PSMB7: variants seen among roughly 807,000 people sequenced by gnomAD.
PSMB7 encodes proteasome 20S subunit beta 7, also known as proteasome subunit beta type-7.
A neutral mutation model predicts 28.1 loss-of-function variants in PSMB7; 5 were observed. The ratio of observed to expected loss-of-function variants is 0.18; its 90% CI spans 0.09 to 0.37. The LOEUF is 0.37. Ranked by LOEUF, PSMB7 falls within the 10% of genes least tolerant of loss-of-function variation. PSMB7 has a pLI of 1.00. For synonymous variants in PSMB7, 122 were observed against 123.7 expected (o/e 0.99, Z 0.09); for missense variants, 275 against 346.2 (o/e 0.79, Z 1.63).
chr9:124,370,328 T>C (rs1050406184), intron 6 of PSMB7, among the ~76,000 whole-genome samples: 6 of 150,988 alleles, frequency 4.0e-5, no homozygotes, highest in African/African-American at 1.5e-4. Flanking sequence ...TTACTTCAGC[T>C]AGCAAAACCT....
chr9:124,384,803 AC>A, intron 5 of PSMB7, 147 bp from the exon 6 acceptor site: 1 of 661,996 alleles, frequency 1.5e-6, no homozygotes, highest in Non-Finnish European at 2.5e-6. Flanking sequence ...GGCCACATAA[AC>A]CAGGTAAAAA....
Position 124,353,550 on chromosome 9 carries a change from A to G in PSMB7, c.*48T>C. 2 of 1,347,902 alleles carry G rather than the reference A, an allele frequency of 1.5e-6. No individual in the cohort carries two copies. The highest frequency in any genetic ancestry group is 2.1e-6 in the Non-Finnish European group (2 of 939,574). The allele number at this position is 1,347,902 out of a possible 1,614,324, so 83.5% of individuals were successfully genotyped here. A position where few individuals can be genotyped will look rare whatever the true frequency, so the allele number is the denominator to read the frequency against. ...CCACATGAGTGTCTTACTGGGCCTCAATGCTCACCACCTTCCAGAACCGCG... is the reference window on the plus strand; with the variant it reads ...CCACATGAGTGTCTTACTGGGCCTCGATGCTCACCACCTTCCAGAACCGCG... On this transcript the variant is annotated 3_prime_UTR_variant, in exon 8 of 8. Coordinates refer to ENST00000259457, the MANE Select transcript of PSMB7 (RefSeq NM_002799.4).
intron 6 of PSMB7, among the ~76,000 whole-genome samples, chr9:124,365,465 G>A (rs1447150028): frequency 6.6e-6 from 1 of 152,214 alleles, no homozygotes; most frequent in Non-Finnish European, 1.5e-5. Flanking sequence ...CAGTGTGGCT[G>A]ATTGCCAGAG....
intron 5 of PSMB7, among the ~76,000 whole-genome samples, chr9:124,393,259 T>C (rs1830808564): frequency 6.6e-6 from 1 of 152,214 alleles, no homozygotes; most frequent in Admixed American, 6.5e-5. Context: ...GGTTTAATTG[T>C]ATGCATGCAT....
intron 7 of PSMB7, among the ~76,000 whole-genome samples, chr9:124,355,907 T>A (rs1316666775): frequency 6.6e-6 from 1 of 152,172 alleles, no homozygotes; most frequent in African/African-American, 2.4e-5. Context: ...TTACTCCTGA[T>A]GTGGAGTTGT....
At chr9:124,355,863 G>A (rs1178320750) in intron 7 of PSMB7, among the ~76,000 whole-genome samples, 2 of 152,204 alleles carry the variant, frequency 1.3e-5, no homozygotes, top group African/African-American at 4.8e-5. Context: ...GTGAATACCT[G>A]CTGGTTCTGA....
At chr9:124,396,439 G>A (rs1286790032) in intron 5 of PSMB7, among the ~76,000 whole-genome samples, 3 of 152,176 alleles carry the variant, frequency 2.0e-5, no homozygotes, top group Non-Finnish European at 4.4e-5. Flanking sequence ...CCCACAAGGT[G>A]AGACATCCAG....
At chr9:124,415,044 G>A (rs999006421) in intron 1 of PSMB7, 109 bp from the exon 2 acceptor site, 2 of 723,896 alleles carry the variant, frequency 2.8e-6, no homozygotes, top group South Asian at 1.8e-5. Context: ...TTGTTTTCAC[G>A]CCCATCTGTT....
At chr9:124,354,541 C>T (rs1473924901) in intron 7 of PSMB7, among the ~76,000 whole-genome samples, 1 of 152,202 alleles carries the variant, frequency 6.6e-6, no homozygotes, top group Non-Finnish European at 1.5e-5. Flanking sequence ...ATCCTCTCCC[C>T]TGGACACACG....
chr9:124,383,315 T>A (rs1164393834), intron 6 of PSMB7, among the ~76,000 whole-genome samples: 1 of 152,230 alleles, frequency 6.6e-6, no homozygotes, highest in Non-Finnish European at 1.5e-5. Context: ...ATTATCATTT[T>A]TAGTGTAAAA....
chr9:124,392,563 C>T (rs1309123406), intron 5 of PSMB7, among the ~76,000 whole-genome samples: 1 of 152,150 alleles, frequency 6.6e-6, no homozygotes, highest in Non-Finnish European at 1.5e-5. Context: ...CAAGATGGCA[C>T]GTGTAAAGCA....
intron 6 of PSMB7, among the ~76,000 whole-genome samples, chr9:124,366,239 C>T (rs1282540963): frequency 6.6e-6 from 1 of 152,148 alleles, no homozygotes; most frequent in Non-Finnish European, 1.5e-5. Flanking sequence ...ATGGTGAAAC[C>T]CCATCTCTAC....
At chr9:124,370,265 T>A (rs1357232682) in intron 6 of PSMB7, among the ~76,000 whole-genome samples, 1 of 150,758 alleles carries the variant, frequency 6.6e-6, no homozygotes, top group South Asian at 2.1e-4. Context: ...GCAGAAGGTA[T>A]CCAGGGTATA....
intron 7 of PSMB7, 89 bp from the exon 8 acceptor site, chr9:124,353,798 G>A (rs915750605): frequency 2.4e-5 from 23 of 952,556 alleles, no homozygotes; most frequent in Middle Eastern, 2.1e-4. Flanking sequence ...TTCAGGCAAC[G>A]CAGTGAGCAG....
chr9:124,406,432 G>A (rs184364658), intron 4 of PSMB7, among the ~76,000 whole-genome samples: 1 of 150,240 alleles, frequency 6.7e-6, no homozygotes, highest in East Asian at 2.0e-4. Context: ...AGCCTGGGAG[G>A]CAGAGGTTGC....
rs1437940968 is a variant in PSMB7, at chr9:124,356,073, C to T, written c.722+691G>A. 6.6e-6 allele frequency among the ~76,000 whole-genome samples: 1 copy of T among 152,118 alleles called. No individual in the cohort carries two copies. Among genetic ancestry groups the T allele is most frequent in the Non-Finnish European group, 1.5e-5 (1 of 68,028 alleles). ...CACTCAGGGAGCCCATCCTGACCTG[C>T]CCGGGCTCCCAGAAGAGGTCAGGAG... On this transcript the variant is annotated intron_variant, in intron 7 of 7. Coordinates refer to ENST00000259457, the MANE Select transcript of PSMB7 (RefSeq NM_002799.4). This position sits in a 1 kb window ranked among gnomAD's most constrained non-coding sequence, Gnocchi z 4.4.
chr9:124,378,387 A>G (rs114572123), intron 6 of PSMB7, among the ~76,000 whole-genome samples: 2 of 152,188 alleles, frequency 1.3e-5, no homozygotes, highest in African/African-American at 4.8e-5. Context: ...GGGGGAAAAA[A>G]GCTGATTGTC....
chr9:124,402,945 G>C (rs1307679282), intron 5 of PSMB7, among the ~76,000 whole-genome samples: 1 of 152,134 alleles, frequency 6.6e-6, no homozygotes, highest in Admixed American at 6.6e-5. Context: ...GTGAACATCT[G>C]TTATATAAAA....
At position 124,356,722 on chromosome 9, in the gene PSMB7, G is replaced by A. The variant is rs531443644; in HGVS notation, c.722+42C>T. On this transcript the variant is annotated intron_variant, in intron 7 of 7. Coordinates refer to ENST00000259457, the MANE Select transcript of PSMB7 (RefSeq NM_002799.4). The surrounding 1 kb of genome is among the most constrained non-coding windows in gnomAD (Gnocchi z 4.4). ...CCATGGAGATACCAAGGGTGGCCAC[G>A]ACGCCAGGGGACCCAGGAAGAACTT... 1.7e-4 allele frequency: 264 copies of A among 1,590,366 alleles called. No homozygotes were observed. Among genetic ancestry groups the A allele is most frequent in the Non-Finnish European group, 2.1e-4 (246 of 1,163,914 alleles).
Sources: gnomAD v4.1 joint callset for allele counts (sites outside exome capture counted in the v4.1 genomes callset) on GRCh38, gnomAD v4.1.1 for gene constraint, Gnocchi (gnomAD v3.1) non-coding constraint, MANE v1.5 for transcripts, NCBI Gene and HGNC (gene_info 2026-07-23, HGNC 2026-07-21) for gene names.